FBXW7: variants seen among roughly 807,000 people sequenced by gnomAD.
FBXW7 encodes the protein F-box and WD repeat domain containing 7.
Under a neutral mutation model 86.3 loss-of-function variants are expected in FBXW7, and 11 were observed. That is an observed-to-expected ratio of 0.13 (90% CI 0.08 to 0.21). The LOEUF is 0.21. Ranked by LOEUF, FBXW7 falls within the 10% of genes least tolerant of loss-of-function variation. The pLI, the probability that FBXW7 is intolerant of heterozygous loss-of-function variation, is 1.00. For missense variants in FBXW7, 488 were observed against 847.4 expected, an observed-to-expected ratio of 0.58 and a Z score of 5.27; for synonymous variants, 313 against 297.9, an observed-to-expected ratio of 1.05 and a Z score of -0.52.
intron 4 of FBXW7, among the ~76,000 whole-genome samples, chr4:152,351,657 A>C (rs1443603446): frequency 1.3e-5 from 2 of 152,274 alleles, no homozygotes; most frequent in African/African-American, 4.8e-5. Flanking sequence ...GTCAGTACAG[A>C]CTATGTTAAA....
intron 2 of FBXW7, among the ~76,000 whole-genome samples, chr4:152,413,234 A>T (rs914744845): frequency 1.3e-5 from 2 of 152,086 alleles, no homozygotes; most frequent in Admixed American, 6.6e-5. Context: ...ATTTCTTCCT[A>T]CCATAATACA....
intron 13 of FBXW7, 183 bp from the exon 14 acceptor site, chr4:152,323,332 T>A: frequency 2.8e-6 from 2 of 721,750 alleles, no homozygotes. Context: ...AATCTGGTAG[T>A]GATTTGTAAC....
chr4:152,455,457 G>A (rs76738923), intron 2 of FBXW7, among the ~76,000 whole-genome samples: 2,442 of 152,160 alleles, frequency 0.016, 77 homozygotes, highest in African/African-American at 0.056. Flanking sequence ...TCTCTAAGAC[G>A]ATACACATTT....
intron 4 of FBXW7, among the ~76,000 whole-genome samples, chr4:152,351,319 A>G (rs75371162): frequency 0.015 from 2,266 of 152,200 alleles, 28 homozygotes; most frequent in Middle Eastern, 0.037. Context: ...CTAAAATACT[A>G]GGATGATCTT....
At chr4:152,431,739 TAAC>T (rs946648582) in intron 2 of FBXW7, among the ~76,000 whole-genome samples, 15 of 152,288 alleles carry the variant, frequency 9.8e-5, no homozygotes, top group African/African-American at 2.9e-4. Flanking sequence ...TAAAAAGTAA[TAAC>T]AAGAGGACAT....
intron 2 of FBXW7, among the ~76,000 whole-genome samples, chr4:152,427,459 A>G (rs1204077602): frequency 6.6e-6 from 1 of 152,178 alleles, no homozygotes; most frequent in East Asian, 1.9e-4. Flanking sequence ...CATTAAGATA[A>G]CCTGGGAGTG....
intron 2 of FBXW7, among the ~76,000 whole-genome samples, chr4:152,452,007 T>C (rs371581556): frequency 6.6e-6 from 1 of 152,150 alleles, no homozygotes; most frequent in African/African-American, 2.4e-5. Flanking sequence ...TTATGTTTTT[T>C]ACTCTGTCTC....
chr4:152,459,779 C>T (rs1484822102), intron 2 of FBXW7, among the ~76,000 whole-genome samples: 3 of 152,076 alleles, frequency 2.0e-5, no homozygotes, highest in Non-Finnish European at 4.4e-5. Flanking sequence ...TAAAAAAGAA[C>T]AATTATACTG....
At chr4:152,485,966 T>C (rs1324815162) in intron 2 of FBXW7, among the ~76,000 whole-genome samples, 1 of 152,120 alleles carries the variant, frequency 6.6e-6, no homozygotes, top group Admixed American at 6.5e-5. Flanking sequence ...CATCACAGAG[T>C]GTATTTACAC....
intron 2 of FBXW7, among the ~76,000 whole-genome samples, chr4:152,493,113 A>T (rs1368659706): frequency 1.3e-5 from 2 of 151,938 alleles, no homozygotes; most frequent in African/African-American, 2.4e-5. Context: ...GAAGAGCAAT[A>T]GATCAGAGAG....
chr4:152,323,328 G>A (rs1728713524), intron 13 of FBXW7, 179 bp from the exon 14 acceptor site: 3 of 723,924 alleles, frequency 4.1e-6, no homozygotes, highest in Non-Finnish European at 4.4e-6. Flanking sequence ...AGAAAATCTG[G>A]TAGTGATTTG....
intron 2 of FBXW7, among the ~76,000 whole-genome samples, chr4:152,454,262 CT>C (rs35734380): frequency 0.028 from 3,141 of 113,668 alleles, 103 homozygotes; most frequent in East Asian, 0.094. Context: ...CCCCCCCCCC[CT>C]TTTTTTTTTT....
In FBXW7 at chr4:152,399,576, A is replaced by C. The variant is rs137944518; in HGVS notation, c.501+11727T>G. 2.0e-3 allele frequency among the ~76,000 whole-genome samples: 297 copies of C among 152,288 alleles called. 1 individual carries two copies. The highest frequency in any genetic ancestry group is 3.1e-3 in the Non-Finnish European group (213 of 68,016). ...GACCCTCTACATAGAAAATCCTAAAAAATTGACCAAAAAAAAGCAATTATA... is the reference window on the plus strand; with the variant it reads ...GACCCTCTACATAGAAAATCCTAAACAATTGACCAAAAAAAAGCAATTATA... On this transcript the variant is annotated intron_variant, in intron 4 of 13. Transcript: ENST00000281708.
At chr4:152,523,812 C>T (rs940666046) in intron 2 of FBXW7, among the ~76,000 whole-genome samples, 2 of 152,162 alleles carry the variant, frequency 1.3e-5, no homozygotes, top group Admixed American at 6.5e-5. Flanking sequence ...GACACATCAT[C>T]TATTTTGTTT....
chr4:152,432,648 AAC>A (rs938312827), intron 2 of FBXW7, among the ~76,000 whole-genome samples: 8 of 152,116 alleles, frequency 5.3e-5, no homozygotes, highest in Admixed American at 5.2e-4. Context: ...CTCTACTAAA[AAC>A]ACAAAAAAAA....
At chr4:152,474,618 C>A (rs529026847) in intron 2 of FBXW7, among the ~76,000 whole-genome samples, 1 of 152,190 alleles carries the variant, frequency 6.6e-6, no homozygotes, top group African/African-American at 2.4e-5. Context: ...CTACCTTATA[C>A]AGAATTGAAT....
chr4:152,529,593 A>G (rs1168068813), intron 2 of FBXW7, among the ~76,000 whole-genome samples: 1 of 152,224 alleles, frequency 6.6e-6, no homozygotes, highest in East Asian at 1.9e-4. Flanking sequence ...AAATATTTTA[A>G]TATTAACTGT....
rs553807841 is a variant in FBXW7 at position 152,435,545 on chromosome 4, C to T, written c.-119-23016G>A. Among the ~76,000 whole-genome samples, 202 of 152,314 alleles carry T rather than the reference C, an allele frequency of 1.3e-3. 1 individual carries two copies. The highest frequency in any genetic ancestry group is 2.2e-3 in the Non-Finnish European group (153 of 68,022). ...CACACTTAAAATAATTTTCAGATCT[C>T]AGGAACCCCTGCATTAAAATGGTTG... On this transcript the variant is annotated intron_variant, in intron 2 of 13. Coordinates refer to ENST00000281708, the MANE Select transcript of FBXW7 (RefSeq NM_001349798.2).
chr4:152,432,534 C>T (rs181226365), intron 2 of FBXW7, among the ~76,000 whole-genome samples: 85 of 152,236 alleles, frequency 5.6e-4, no homozygotes, highest in African/African-American at 1.8e-3. Context: ...CAGCCAGGTG[C>T]GGTGGCTCAT....
Sources: allele counts gnomAD v4.1 joint callset (sites outside exome capture counted in the v4.1 genomes callset), GRCh38; gene constraint gnomAD v4.1.1; transcripts MANE v1.5; gene names NCBI Gene and HGNC (gene_info 2026-07-23, HGNC 2026-07-21).